Variants in GREM1 observed in about 807,000 individuals in gnomAD.
GREM1 encodes the protein gremlin 1, DAN family BMP antagonist, also known as gremlin-1.
A neutral mutation model predicts 13.1 loss-of-function variants in GREM1; 6 were observed. The observed-to-expected ratio is 0.46, with a 90% confidence interval of 0.25 to 0.91. GREM1 has a LOEUF of 0.91. GREM1 is among the 40% of genes least tolerant of loss of function. The pLI, the probability that GREM1 is intolerant of heterozygous loss-of-function variation, is 0.18. For synonymous variants in GREM1, 98 were observed against 93.7 expected (o/e 1.05, Z -0.27); for missense variants, 185 against 233.9 (o/e 0.79, Z 1.36).
At chr15:32,730,501 C>T (rs1006549820) in intron 1 of GREM1, among the ~76,000 whole-genome samples, 189 bp from the exon 2 acceptor site, 2 of 152,160 alleles carry the variant, frequency 1.3e-5, no homozygotes, top group African/African-American at 2.4e-5. Flanking sequence ...GGGTGAGTTA[C>T]TCCATGGATT....
Position 32,732,137 on chromosome 15 carries a change from T to A in GREM1, c.*892T>A, listed in dbSNP as rs2055630362. The A allele has an allele frequency of 4.1e-6, 1 of 243,088 alleles. No individual in the cohort carries two copies. Among genetic ancestry groups the A allele is most frequent in the Non-Finnish European group, 8.7e-6 (1 of 115,004 alleles). The allele number at this position is 243,088 out of a possible 1,614,324, so 15.1% of individuals were successfully genotyped here. ...TGAAAACATAAATACTGACCACTCC[T>A]ATGTTCGGACCCAAGCAAGTTAGCT... On this transcript the variant is annotated 3_prime_UTR_variant, in exon 2 of 2. Transcript: ENST00000651154.
At position 32,731,588 on chromosome 15, in the gene GREM1, T is replaced by G. The variant is rs2055620490; in HGVS notation, c.*343T>G. 2.9e-6 allele frequency: 1 copy of G among 347,312 alleles called. No homozygotes were observed. The highest frequency in any genetic ancestry group is 5.5e-6 in the Non-Finnish European group (1 of 182,822). 21.5% of individuals were successfully genotyped at this position (347,312 alleles called of 1,614,324 possible). On this transcript the variant is annotated 3_prime_UTR_variant, in exon 2 of 2. Coordinates refer to ENST00000651154, the MANE Select transcript of GREM1 (RefSeq NM_013372.7). ...CTGACTTTGTGTTTTTGTGCCCTCC[T>G]GGGGACCAGAATCTCCTTTCGGAAT...
Position 32,744,151 on chromosome 15 carries a change from G to T in GREM1, c.*12906G>T, listed in dbSNP as rs1410800705. Reference sequence around the variant, plus strand: ...ATGGAGAAGCACCCAAAAATCTGTGGCCTTTTTTTTTAATTACACTCTCAG... The same window carrying T: ...ATGGAGAAGCACCCAAAAATCTGTGTCCTTTTTTTTTAATTACACTCTCAG... On this transcript the variant is annotated 3_prime_UTR_variant, in exon 2 of 2. Transcript: ENST00000651154. 6.6e-6 allele frequency: 1 copy of T among 151,990 alleles called. No individual in the cohort carries two copies. The highest frequency in any genetic ancestry group is 1.5e-5 in the Non-Finnish European group (1 of 68,004). The allele number at this position is 151,990 out of a possible 1,614,324, so 9.4% of individuals were successfully genotyped here. A position where few individuals can be genotyped will look rare whatever the true frequency, so the allele number is the denominator to read the frequency against.
Position 32,731,055 on chromosome 15 carries a change from G to C in GREM1, c.365G>C (p.Cys122Ser). 6.2e-7 allele frequency: 1 copy of C among 1,614,212 alleles called. No homozygotes were observed. ...TIINRFCYGQCNSFYIPRHIR... is the reference protein window; with the variant it reads ...TIINRFCYGQSNSFYIPRHIR... The stretch of plus-strand genomic sequence containing the variant: ...ATCAACCGCTTCTGTTACGGCCAGT[G>C]CAACTCTTTCTACATCCCCAGGCAC... The change falls in exon 2 of 2, where the codon TGC (cysteine) becomes TCC (serine). Residue 122 changes from cysteine (C) to serine (S), a missense_variant. By Grantham distance (112) the Cys-to-Ser change is moderately radical. Coordinates refer to ENST00000651154, the MANE Select transcript of GREM1 (RefSeq NM_013372.7).
At chr15:32,719,347 G>C (rs1241482936) in intron 1 of GREM1, among the ~76,000 whole-genome samples, 1 of 152,206 alleles carries the variant, frequency 6.6e-6, no homozygotes, top group Admixed American at 6.5e-5. Context: ...AGGCTCTGGC[G>C]ACGGTCACCG....
rs1170770498 is a variant in GREM1, at chr15:32,742,007, T to C, written c.*10762T>C. 1 of 152,184 alleles carries C rather than the reference T, an allele frequency of 6.6e-6. No homozygotes were observed. The highest frequency in any genetic ancestry group is 6.5e-5 in the Admixed American group (1 of 15,274). 9.4% of individuals were successfully genotyped at this position (152,184 alleles called of 1,614,324 possible). A position where few individuals can be genotyped will look rare whatever the true frequency, so the allele number is the denominator to read the frequency against. On this transcript the variant is annotated 3_prime_UTR_variant, in exon 2 of 2. Coordinates refer to ENST00000651154, the MANE Select transcript of GREM1 (RefSeq NM_013372.7). ...TTTCATATCTTGAAGCATACTTGCA[T>C]CCTAGGAATAAATCCCACTTTGTCA...
At position 32,731,497 on chromosome 15, in the gene GREM1, T is replaced by C. The variant is rs2055618302; in HGVS notation, c.*252T>C. 1.9e-6 allele frequency: 1 copy of C among 536,452 alleles called. No homozygotes were observed. Among genetic ancestry groups the C allele is most frequent in the South Asian group, 2.7e-5 (1 of 36,780 alleles). The allele number at this position is 536,452 out of a possible 1,614,324, so 33.2% of individuals were successfully genotyped here. On this transcript the variant is annotated 3_prime_UTR_variant, in exon 2 of 2. Coordinates refer to ENST00000651154, the MANE Select transcript of GREM1 (RefSeq NM_013372.7). ...TATTTTGTAAACATATCTGCTTTAATGGGGATGTACCAGAAACCCACCTCA... is the reference window on the plus strand; with the variant it reads ...TATTTTGTAAACATATCTGCTTTAACGGGGATGTACCAGAAACCCACCTCA...
At chr15:32,718,210 GGCCGCAAACCA>G in intron 1 of GREM1, 49 bp downstream of exon 1, 2 of 1,313,108 alleles carry the variant, frequency 1.5e-6, no homozygotes, top group Non-Finnish European at 2.0e-6. Flanking sequence ...GAGGGAAGAG[GGCCGCAAACCA>G]ACCCAGGACC....
chr15:32,730,657 G>A, intron 1 of GREM1, 33 bp from the exon 2 acceptor site: 3 of 1,446,848 alleles, frequency 2.1e-6, no homozygotes, highest in Non-Finnish European at 2.8e-6. Context: ...GCCATGTTTT[G>A]TGTCTTCCCC....
chr15:32,741,624 C>A lies in GREM1; in HGVS notation c.*10379C>A, dbSNP rs1352663608. On this transcript the variant is annotated 3_prime_UTR_variant, in exon 2 of 2. Coordinates refer to ENST00000651154, the MANE Select transcript of GREM1 (RefSeq NM_013372.7). Reference sequence around the variant, plus strand: ...AGATTATGTCATCTGCAAACAGCAACAATTTTACCCTTTGTTTTCAACGTG... The same window carrying A: ...AGATTATGTCATCTGCAAACAGCAAAAATTTTACCCTTTGTTTTCAACGTG... 1 of 152,034 alleles carries A rather than the reference C, an allele frequency of 6.6e-6. No individual in the cohort carries two copies. Among genetic ancestry groups the A allele is most frequent in the Non-Finnish European group, 1.5e-5 (1 of 67,964 alleles). The allele number at this position is 152,034 out of a possible 1,614,324, so 9.4% of individuals were successfully genotyped here. A position where few individuals can be genotyped will look rare whatever the true frequency, so the allele number is the denominator to read the frequency against.
rs749057876 is a variant in GREM1, at chr15:32,730,930, C to A, written c.240C>A (p.Ala80=). The A allele has an allele frequency of 8.7e-6, 14 of 1,613,896 alleles. No homozygotes were observed. The highest frequency in any genetic ancestry group is 1.2e-5 in the Non-Finnish European group (14 of 1,180,022). The stretch of plus-strand genomic sequence containing the variant: ...AGGTGCTGGAGTCCAGCCAAGAGGC[C>A]CTGCATGTGACGGAGCGCAAATACC... ...GEEVLESSQE[A]LHVTERKYLK... The change falls in exon 2 of 2, where the codon GCC becomes GCA. Residue 80 remains alanine (A), a synonymous_variant. Transcript: ENST00000651154.
Position 32,735,719 on chromosome 15 carries a change from C to G in GREM1, c.*4474C>G, listed in dbSNP as rs2055688419. On this transcript the variant is annotated 3_prime_UTR_variant, in exon 2 of 2. Coordinates refer to ENST00000651154, the MANE Select transcript of GREM1 (RefSeq NM_013372.7). ...AAAAGCCACACCCATTAGAAAAATA[C>G]AAGGCCTGAAAGGTGTGAGTGGGAC... The G allele has an allele frequency of 7.0e-6, 1 of 143,556 alleles. No individual in the cohort carries two copies. Among genetic ancestry groups the G allele is most frequent in the East Asian group, 2.1e-4 (1 of 4,866 alleles). 8.9% of individuals were successfully genotyped at this position (143,556 alleles called of 1,614,324 possible).
At position 32,727,750 on chromosome 15, in the gene GREM1, T is replaced by C. The variant is rs148207813; in HGVS notation, c.-1-2940T>C. Among the ~76,000 whole-genome samples the C allele has an allele frequency of 0.016, 2,425 of 152,300 alleles. 138 individuals are homozygous for C. In the East Asian group the frequency reaches 0.21, roughly 13 times the overall value. On this transcript the variant is annotated intron_variant, in intron 1 of 1. Coordinates refer to ENST00000651154, the MANE Select transcript of GREM1 (RefSeq NM_013372.7). ...TGTATATTTAGAAAACCCCATCATC[T>C]CAGCCCAAAATCTCCTTAAGCTGAT...
At chr15:32,725,245 CCCA>C (rs1354689828) in intron 1 of GREM1, among the ~76,000 whole-genome samples, 4 of 152,288 alleles carry the variant, frequency 2.6e-5, no homozygotes, top group Non-Finnish European at 5.9e-5. Context: ...AATTTACACT[CCCA>C]CCAACAGTGT....
At chr15:32,728,637 C>T (rs1378075063) in intron 1 of GREM1, among the ~76,000 whole-genome samples, 1 of 152,136 alleles carries the variant, frequency 6.6e-6, no homozygotes, top group Non-Finnish European at 1.5e-5. Context: ...CCAACCTGTC[C>T]AGTTTTGGTG....
At chr15:32,719,333 C>T (rs1430229860) in intron 1 of GREM1, among the ~76,000 whole-genome samples, 1 of 152,234 alleles carries the variant, frequency 6.6e-6, no homozygotes, top group Non-Finnish European at 1.5e-5. Context: ...TATTTGCCTG[C>T]GCCAGGCTCT....
rs777378898 is a variant in GREM1 at position 32,730,917 on chromosome 15, C to G, written c.227C>G (p.Ser76Cys). ...ATGCCCGGGGAGGAGGTGCTGGAGT[C>G]CAGCCAAGAGGCCCTGCATGTGACG... ...TAMPGEEVLE[S>C]SQEALHVTER... is the part of the protein sequence containing the mutation. Residue 76 changes from serine (S) to cysteine (C), a missense_variant, in exon 2 of 2, where the codon TCC becomes TGC. By Grantham distance (112) the Ser-to-Cys change is moderately radical (BLOSUM62 -1). Coordinates refer to ENST00000651154, the MANE Select transcript of GREM1 (RefSeq NM_013372.7). 1 of 1,613,914 alleles carries G rather than the reference C, an allele frequency of 6.2e-7. No individual in the cohort carries two copies. Among genetic ancestry groups the G allele is most frequent in the Non-Finnish European group, 8.5e-7 (1 of 1,179,958 alleles).
chr15:32,730,360 A>ATAGT lies in GREM1; in HGVS notation c.-1-328_-1-327insGTTA, dbSNP rs144990378. Among the ~76,000 whole-genome samples, 2,667 of 152,304 alleles carry ATAGT rather than the reference A, an allele frequency of 0.018. 154 individuals are homozygous for ATAGT. The East Asian group carries it at 0.21, about 12-fold the overall frequency. ...CAAAATAGAAAATAAGTTCCCCTCA[A>ATAGT]TAAGTGAACGTAATACAAAGACAAA... On this transcript the variant is annotated intron_variant, in intron 1 of 1. Coordinates refer to ENST00000651154, the MANE Select transcript of GREM1 (RefSeq NM_013372.7).
rs2055762945 is a variant in GREM1, at chr15:32,741,713, T to A, written c.*10468T>A. 1 of 152,180 alleles carries A rather than the reference T, an allele frequency of 6.6e-6. No individual in the cohort carries two copies. Among genetic ancestry groups the A allele is most frequent in the African/African-American group, 2.4e-5 (1 of 41,466 alleles). The allele number at this position is 152,180 out of a possible 1,614,324, so 9.4% of individuals were successfully genotyped here. A position where few individuals can be genotyped will look rare whatever the true frequency, so the allele number is the denominator to read the frequency against. ...CTAGGACTTCCAGCACTAAATTGAA[T>A]AGAAGTGATGAGAGTGGGCATGTAT... On this transcript the variant is annotated 3_prime_UTR_variant, in exon 2 of 2. Coordinates refer to ENST00000651154, the MANE Select transcript of GREM1 (RefSeq NM_013372.7).
Sources: allele counts gnomAD v4.1 joint callset (sites outside exome capture counted in the v4.1 genomes callset), GRCh38; gene constraint gnomAD v4.1.1; transcripts MANE v1.5; gene names NCBI Gene and HGNC (gene_info 2026-07-23, HGNC 2026-07-21).